The following CA10 variants were observed in gnomAD, a reference collection of about 807,000 sequenced individuals.
The protein encoded by CA10 is carbonic anhydrase 10 (inactive), also known as carbonic anhydrase-related protein 10.
CA10 carries 14 observed loss-of-function variants against 44.2 expected under a neutral mutation model. The ratio of observed to expected loss-of-function variants is 0.32; its 90% CI spans 0.21 to 0.50. CA10 has a LOEUF of 0.50. CA10 is among the 20% of genes least tolerant of loss of function. The probability of loss-of-function intolerance (pLI) is 0.99; values close to 1 mark genes in which losing one functional copy is unlikely to be tolerated. For synonymous variants in CA10, 159 were observed against 141.6 expected, an observed-to-expected ratio of 1.12 and a Z score of -0.87; for missense variants, 350 against 409.7, an observed-to-expected ratio of 0.85 and a Z score of 1.26.
chr17:52,107,116 T>C (rs907849082), intron 1 of CA10, among the ~76,000 whole-genome samples: 1 of 152,146 alleles, frequency 6.6e-6, no homozygotes, highest in African/African-American at 2.4e-5. Context: ...TACCCTCTCA[T>C]CTATGAAAGG....
rs190227369 is a variant in CA10 at position 51,743,147 on chromosome 17, C to T, written c.465+4486G>A. 3.5e-4 allele frequency among the ~76,000 whole-genome samples: 54 copies of T among 152,284 alleles called. No homozygotes were observed. In the Middle Eastern group the frequency reaches 0.01, roughly 29 times the overall value. ...GCATGAAGTGGCTGGTACAATTCTC[C>T]GTGTACCCTTCTGCCCCCTTGAAAA... On this transcript the variant is annotated intron_variant, in intron 4 of 8. Transcript: ENST00000451037.
intron 4 of CA10, among the ~76,000 whole-genome samples, chr17:51,662,470 A>G (rs1914042982): frequency 1.3e-5 from 2 of 152,258 alleles, no homozygotes; most frequent in Non-Finnish European, 2.9e-5. Context: ...TAGCATATGC[A>G]AATAGTTTCT....
At chr17:52,076,508 C>T (rs569309535) in intron 1 of CA10, among the ~76,000 whole-genome samples, 2 of 152,244 alleles carry the variant, frequency 1.3e-5, no homozygotes, top group Admixed American at 1.3e-4. Context: ...AATTCACCCT[C>T]CAAAAATCAA....
Position 52,104,520 on chromosome 17 carries a change from A to G in CA10, c.62-32127T>C, listed in dbSNP as rs185509168. On this transcript the variant is annotated intron_variant, in intron 1 of 8. Transcript: ENST00000451037. Reference sequence around the variant, plus strand: ...TGCCTGGCCCTCCTGCCTTGTTCTTAGCTGTCTTTCTCAAACGAGGGCACA... The same window carrying G: ...TGCCTGGCCCTCCTGCCTTGTTCTTGGCTGTCTTTCTCAAACGAGGGCACA... Among the ~76,000 whole-genome samples, 46 of 152,140 alleles carry G rather than the reference A, an allele frequency of 3.0e-4. 1 individual carries two copies. The highest frequency in any genetic ancestry group is 1.1e-3 in the African/African-American group (44 of 41,504).
chr17:51,827,330 A>ACG (rs961202557), intron 3 of CA10, among the ~76,000 whole-genome samples: 2 of 135,988 alleles, frequency 1.5e-5, no homozygotes, highest in South Asian at 2.1e-4. Flanking sequence ...GGAGAGAAAC[A>ACG]CGCACACACA....
intron 2 of CA10, among the ~76,000 whole-genome samples, chr17:51,952,647 T>G (rs1983529314): frequency 6.6e-6 from 1 of 152,148 alleles, no homozygotes; most frequent in Admixed American, 6.6e-5. Flanking sequence ...ATGTTAGGTC[T>G]TAAGAAAATA....
chr17:52,132,783 T>G (rs1317160021), intron 1 of CA10, among the ~76,000 whole-genome samples: 1 of 152,118 alleles, frequency 6.6e-6, no homozygotes, highest in Non-Finnish European at 1.5e-5. Flanking sequence ...TAGAAATGCA[T>G]GTACCAGGTA....
chr17:51,955,222 T>C (rs1983623070), intron 2 of CA10, among the ~76,000 whole-genome samples: 1 of 152,078 alleles, frequency 6.6e-6, no homozygotes, highest in African/African-American at 2.4e-5. Flanking sequence ...CTCGAAGTGG[T>C]CACCTTTTTT....
At chr17:51,965,440 A>T (rs1984046186) in intron 2 of CA10, among the ~76,000 whole-genome samples, 1 of 151,836 alleles carries the variant, frequency 6.6e-6, no homozygotes, top group East Asian at 1.9e-4. Context: ...CCTGCAGGCC[A>T]TAGACACAAA....
Position 51,656,297 on chromosome 17 carries a change from C to T in CA10, c.466-2561G>A, listed in dbSNP as rs540724101. 4.6e-5 allele frequency among the ~76,000 whole-genome samples: 7 copies of T among 152,312 alleles called. No homozygotes were observed. In the East Asian group the frequency reaches 1.4e-3, roughly 29 times the overall value. On this transcript the variant is annotated intron_variant, in intron 4 of 8. Transcript: ENST00000451037. ...GGCAGAAAAAGGCAGGAAGAAGTCT[C>T]CTGGGCCATGGGCTGCCTCTCAGGG...
At chr17:51,829,360 T>C (rs1908144559) in intron 3 of CA10, among the ~76,000 whole-genome samples, 1 of 152,210 alleles carries the variant, frequency 6.6e-6, no homozygotes, top group African/African-American at 2.4e-5. Flanking sequence ...ACGTATGGAT[T>C]GTCCAAGCTG....
chr17:52,136,224 C>T (rs1038941985), intron 1 of CA10, among the ~76,000 whole-genome samples: 1 of 152,080 alleles, frequency 6.6e-6, no homozygotes, highest in African/African-American at 2.4e-5. Context: ...CTAAATGTGC[C>T]CTGTCAAAAT....
At chr17:52,057,453 CTT>C (rs1987261596) in intron 2 of CA10, among the ~76,000 whole-genome samples, 2 of 71,064 alleles carry the variant, frequency 2.8e-5, no homozygotes. Context: ...TTTTCTCTAG[CTT>C]TGTTTATTGT....
chr17:51,990,869 G>A (rs1985014936), intron 2 of CA10, among the ~76,000 whole-genome samples: 1 of 152,082 alleles, frequency 6.6e-6, no homozygotes, highest in Admixed American at 6.6e-5. Context: ...GTGCTGCCAG[G>A]TCAGAAAAAC....
chr17:51,922,419 A>G (rs1567886374), intron 3 of CA10, among the ~76,000 whole-genome samples: 1 of 152,118 alleles, frequency 6.6e-6, no homozygotes, highest in Admixed American at 6.6e-5. Flanking sequence ...TGTCTTGCTT[A>G]TCCTGCTTTC....
At chr17:51,634,668 ACT>A (rs1169098989) in intron 7 of CA10, among the ~76,000 whole-genome samples, 1 of 152,084 alleles carries the variant, frequency 6.6e-6, no homozygotes, top group East Asian at 1.9e-4. Flanking sequence ...ATGAGTACTA[ACT>A]CTGTGAGATG....
At chr17:51,920,061 A>G (rs1228185020) in intron 3 of CA10, among the ~76,000 whole-genome samples, 1 of 152,196 alleles carries the variant, frequency 6.6e-6, no homozygotes, top group Non-Finnish European at 1.5e-5. Flanking sequence ...CTCTTGTAGG[A>G]ATTCATCTGC....
chr17:52,147,812 A>G (rs1375077429), intron 1 of CA10, among the ~76,000 whole-genome samples: 1 of 152,224 alleles, frequency 6.6e-6, no homozygotes, highest in Non-Finnish European at 1.5e-5. Flanking sequence ...GTCTCACTTT[A>G]AAATCCCCAA....
chr17:51,944,979 G>A (rs567184753), intron 2 of CA10, among the ~76,000 whole-genome samples: 10 of 152,084 alleles, frequency 6.6e-5, no homozygotes, highest in South Asian at 2.1e-4. Flanking sequence ...GGGATGATCC[G>A]GGTAGACCCA....
Sources: allele counts gnomAD v4.1 joint callset (sites outside exome capture counted in the v4.1 genomes callset), GRCh38; gene constraint gnomAD v4.1.1; transcripts MANE v1.5; gene names NCBI Gene and HGNC (gene_info 2026-07-23, HGNC 2026-07-21).